HIVEP3: variants seen among roughly 807,000 people sequenced by gnomAD.
HIVEP3 encodes the protein transcription factor HIVEP3.
In HIVEP3, 49 loss-of-function variants were observed where a neutral mutation model predicts 152.8. The ratio of observed to expected loss-of-function variants is 0.32; its 90% CI spans 0.26 to 0.41. The LOEUF is 0.41. Among genes scored for constraint, HIVEP3 ranks in the 10% least tolerant of loss-of-function variants. The probability of loss-of-function intolerance (pLI) is 1.00; values close to 1 mark genes in which losing one functional copy is unlikely to be tolerated. For missense variants in HIVEP3, 2,790 were observed against 3,103.3 expected (o/e 0.90, Z 2.40); for synonymous variants, 1,269 against 1,289.0 (o/e 0.98, Z 0.33).
intron 3 of HIVEP3, among the ~76,000 whole-genome samples, chr1:41,617,422 A>G (rs1433054615): frequency 6.6e-6 from 1 of 152,160 alleles, no homozygotes; most frequent in African/African-American, 2.4e-5. Context: ...AACATCTCTG[A>G]CCCTTTTTCT....
chr1:41,765,846 G>A (rs560080204), intron 1 of HIVEP3, among the ~76,000 whole-genome samples: 47 of 152,256 alleles, frequency 3.1e-4, no homozygotes, highest in African/African-American at 1.1e-3. Flanking sequence ...GAATGTCCCT[G>A]CCCTCAGGCA....
At chr1:41,589,904 A>T (rs951930465) in intron 3 of HIVEP3, among the ~76,000 whole-genome samples, 1 of 152,272 alleles carries the variant, frequency 6.6e-6, no homozygotes, top group Admixed American at 6.5e-5. Context: ...CAAAAATATA[A>T]GAAAACTTTC....
intron 7 of HIVEP3, among the ~76,000 whole-genome samples, chr1:41,518,138 G>A (rs540179632): frequency 6.6e-6 from 1 of 152,360 alleles, no homozygotes; most frequent in African/African-American, 2.4e-5. Flanking sequence ...CGCTCCACCT[G>A]CATGGCAGAT....
At chr1:41,527,816 A>C (rs2149057446) in intron 5 of HIVEP3, among the ~76,000 whole-genome samples, 1 of 112,922 alleles carries the variant, frequency 8.9e-6, no homozygotes, top group Non-Finnish European at 1.8e-5. Flanking sequence ...CTACCCTCCC[A>C]CTCAACTTCA....
chr1:41,549,973 G>A (rs1643878012), intron 5 of HIVEP3, among the ~76,000 whole-genome samples: 1 of 152,152 alleles, frequency 6.6e-6, no homozygotes, highest in Non-Finnish European at 1.5e-5. Context: ...GAATGGTATT[G>A]CCTAGGTTTT....
intron 1 of HIVEP3, among the ~76,000 whole-genome samples, chr1:42,015,644 T>C (rs1232619490): frequency 6.6e-6 from 1 of 152,266 alleles, no homozygotes; most frequent in East Asian, 1.9e-4. Context: ...CTAAATGTTT[T>C]GTCTATGCAT....
chr1:41,753,917 G>A (rs1236055678), intron 1 of HIVEP3, among the ~76,000 whole-genome samples: 4 of 152,110 alleles, frequency 2.6e-5, no homozygotes, highest in Admixed American at 1.3e-4. Flanking sequence ...TGCAATATCC[G>A]TTGTGGGTCA....
At chr1:41,526,510 G>A (rs1049430353) in intron 5 of HIVEP3, among the ~76,000 whole-genome samples, 42 of 44,492 alleles carry the variant, frequency 9.4e-4, no homozygotes, top group Non-Finnish European at 7.9e-4. Context: ...CACCCCTGCC[G>A]TCACACTTGC....
rs1004231910 is a variant in HIVEP3 at position 41,831,903 on chromosome 1, G to C, written c.-801+86510C>G. Among the ~76,000 whole-genome samples, 61 of 152,162 alleles carry C rather than the reference G, an allele frequency of 4.0e-4. 1 individual carries two copies. The highest frequency in any genetic ancestry group is 2.9e-5 in the Non-Finnish European group (2 of 68,012). ...ACCCCACCTTGGAGTTAAGGACACA[G>C]AAGCACTGAGATTTACCTAATCTAC... is the stretch of plus-strand genomic sequence containing the variant. On this transcript the variant is annotated intron_variant, in intron 1 of 8. Transcript: ENST00000372583.
In HIVEP3 at chr1:41,747,696, A is replaced by G. The variant is rs115336654; in HGVS notation, c.-800-46701T>C. On this transcript the variant is annotated intron_variant, in intron 1 of 8. Transcript: ENST00000372583. ...TTATCTGTATCTTTCAAGTCATTGA[A>G]TATACACCTATGTCACCATCTTTAA... Among the ~76,000 whole-genome samples the G allele has an allele frequency of 7.5e-3, 1,150 of 152,344 alleles. 5 individuals are homozygous for G. Among genetic ancestry groups the G allele is most frequent in the Non-Finnish European group, 0.013 (909 of 68,036 alleles).
chr1:41,943,759 T>C (rs1225298867), intron 1 of HIVEP3, among the ~76,000 whole-genome samples: 1 of 152,250 alleles, frequency 6.6e-6, no homozygotes, highest in African/African-American at 2.4e-5. Flanking sequence ...GGAAATTTTA[T>C]GTTTATTCTG....
At chr1:41,891,402 T>C (rs1196301278) in intron 1 of HIVEP3, among the ~76,000 whole-genome samples, 1 of 152,234 alleles carries the variant, frequency 6.6e-6, no homozygotes, top group East Asian at 1.9e-4. Context: ...CAAAACTCAT[T>C]TCCCCTTAAC....
chr1:41,560,901 C>A (rs1644050074), intron 5 of HIVEP3, among the ~76,000 whole-genome samples: 1 of 152,218 alleles, frequency 6.6e-6, no homozygotes, highest in African/African-American at 2.4e-5. Flanking sequence ...TGCCTCACCT[C>A]AAACCAGGGT....
rs79517001 is a variant in HIVEP3, at chr1:41,878,398, C to A, written c.-801+40015G>T. On this transcript the variant is annotated intron_variant, in intron 1 of 8. Coordinates refer to ENST00000372583, the MANE Select transcript of HIVEP3 (RefSeq NM_024503.5). ...CTGCTGTATTTCAATGGAACCAGAC[C>A]CCCAAGGCTCAGAAATCAATCATTT... Among the ~76,000 whole-genome samples, 497 of 152,206 alleles carry A rather than the reference C, an allele frequency of 3.3e-3. 4 individuals carry two copies. Among genetic ancestry groups the A allele is most frequent in the African/African-American group, 0.012 (483 of 41,520 alleles).
intron 6 of HIVEP3, among the ~76,000 whole-genome samples, chr1:41,523,965 A>G (rs1642831553): frequency 6.6e-6 from 1 of 152,162 alleles, no homozygotes; most frequent in African/African-American, 2.4e-5. Flanking sequence ...GGAGAGTGCA[A>G]TCCAAGAATC....
At chr1:41,845,963 A>G (rs1003820310) in intron 1 of HIVEP3, among the ~76,000 whole-genome samples, 12 of 152,194 alleles carry the variant, frequency 7.9e-5, no homozygotes, top group African/African-American at 2.9e-4. Context: ...ACTACTCTGG[A>G]GGCTGAGGCA....
At chr1:41,671,216 C>A (rs895276982) in intron 2 of HIVEP3, among the ~76,000 whole-genome samples, 12 of 152,242 alleles carry the variant, frequency 7.9e-5, no homozygotes, top group Admixed American at 2.0e-4. Flanking sequence ...CCCCAGCTGG[C>A]TATCACCATC....
At chr1:41,962,770 C>T (rs1645175851) in intron 1 of HIVEP3, among the ~76,000 whole-genome samples, 1 of 152,210 alleles carries the variant, frequency 6.6e-6, no homozygotes, top group South Asian at 2.1e-4. Context: ...ACTAGAGCCC[C>T]ACCGAACTCA....
Position 41,562,628 on chromosome 1 carries a change from T to TCC in HIVEP3, c.5207+12915_5207+12916insGG, listed in dbSNP as rs1558063110. On this transcript the variant is annotated intron_variant, in intron 5 of 8. Transcript: ENST00000372583. ...CTCTCTCTCTCTCTCTCTCTCTCTC[T>TCC]CTCTCCCTCTCTCTCTCTTTCTTTC... is the stretch of plus-strand genomic sequence containing the variant. Among the ~76,000 whole-genome samples the TCC allele has an allele frequency of 4.1e-4, 50 of 123,306 alleles. No homozygotes were observed. The East Asian group carries it at 4.2e-3, about 10-fold the overall frequency. The allele number at this position is 123,306 out of a possible 152,430, so 80.9% of individuals were successfully genotyped here.
Sources: gnomAD v4.1 joint callset for allele counts (sites outside exome capture counted in the v4.1 genomes callset) on GRCh38, gnomAD v4.1.1 for gene constraint, MANE v1.5 for transcripts, NCBI Gene and HGNC (gene_info 2026-07-23, HGNC 2026-07-21) for gene names.